CNOT3: variants seen among roughly 807,000 people sequenced by gnomAD.
CNOT3 encodes CCR4-associated factor 3.
In CNOT3, 2 loss-of-function variants were observed where a neutral mutation model predicts 89.4. The ratio of observed to expected loss-of-function variants is 0.02; its 90% CI spans 0.01 to 0.07. The LOEUF (loss-of-function observed/expected upper bound fraction) is 0.07. Ranked by LOEUF, CNOT3 falls within the 10% of genes least tolerant of loss-of-function variation. The probability of loss-of-function intolerance (pLI) is 1.00; values close to 1 mark genes in which losing one functional copy is unlikely to be tolerated. For missense variants in CNOT3, 664 were observed against 1,010.2 expected (o/e 0.66, Z 4.65); for synonymous variants, 486 against 402.0 (o/e 1.21, Z -2.50).
rs201504444 is a variant in CNOT3, at chr19:54,153,027, G to A, written c.2037+28G>A. On this transcript the variant is annotated intron_variant, in intron 16 of 17. Transcript: ENST00000221232. ...ACAGCAGGGCCCCCGGGGCAGCCTCGGGCCCCCCGGCTTCGCCGCCACCGC... is the reference window on the plus strand; with the variant it reads ...ACAGCAGGGCCCCCGGGGCAGCCTCAGGCCCCCCGGCTTCGCCGCCACCGC... 9.6e-5 allele frequency: 152 copies of A among 1,590,572 alleles called. 1 individual carries two copies. The highest frequency in any genetic ancestry group is 9.1e-4 in the South Asian group (81 of 89,136).
At chr19:54,139,600 GGTGTCCACGCCTCTGCAT>G (rs1414407381) in intron 1 of CNOT3, among the ~76,000 whole-genome samples, 3 of 152,100 alleles carry the variant, frequency 2.0e-5, no homozygotes, top group African/African-American at 7.2e-5. Context: ...CTGGATTTGA[GGTGTCCACGCCTCTGCAT>G]GTGTCCCCAC....
In CNOT3 at chr19:54,148,714, C is replaced by T. The variant is rs769897893; in HGVS notation, c.1377C>T (p.Ser459=). The part of the protein sequence containing the change: ...NASSQALGPP[S]GPHNPPPSTS... Reference sequence around the variant, plus strand: ...GCAGCCAGGCCTTGGGCCCCCCTTCCGGCCCCCACAACCCACCTCCCAGCA... The same window carrying T: ...GCAGCCAGGCCTTGGGCCCCCCTTCTGGCCCCCACAACCCACCTCCCAGCA... The change falls in exon 12 of 18, where the codon TCC becomes TCT. Residue 459 remains serine (S), a synonymous_variant. Transcript: ENST00000221232. The surrounding 1 kb of genome is among the most constrained non-coding windows in gnomAD (Gnocchi z 6.3). The T allele has an allele frequency of 3.4e-5, 55 of 1,611,614 alleles. No individual in the cohort carries two copies. Among genetic ancestry groups the T allele is most frequent in the Non-Finnish European group, 4.6e-5 (54 of 1,179,310 alleles).
chr19:54,144,398 G>T lies in CNOT3; in HGVS notation c.483+66G>T, dbSNP rs587657829. The T allele has an allele frequency of 7.3e-4, 896 of 1,220,866 alleles. 5 individuals carry two copies. The highest frequency in any genetic ancestry group is 1.7e-3 in the South Asian group (140 of 81,138). 75.6% of individuals were successfully genotyped at this position (1,220,866 alleles called of 1,614,324 possible). On this transcript the variant is annotated intron_variant, in intron 7 of 17. Transcript: ENST00000221232. The surrounding 1 kb of genome is among the most constrained non-coding windows in gnomAD (Gnocchi z 4.8). ...CATGGGAATGGGCTGGCCAGCAGGA[G>T]GCCAGTCATTTATGCTCCTGGGAGT...
rs587637480 is a variant in CNOT3, at chr19:54,150,002, T to C, written c.1605+244T>C. ...AAGCTCTGTTTCTCTGGGTCTCTTT[T>C]CCTTTCTCTTGGTTGCACTTGTTGC... On this transcript the variant is annotated intron_variant, in intron 13 of 17. Transcript: ENST00000221232. 2.6e-5 allele frequency among the ~76,000 whole-genome samples: 4 copies of C among 152,282 alleles called. No individual in the cohort carries two copies. In the South Asian group the frequency reaches 8.3e-4, roughly 32 times the overall value.
At chr19:54,138,208 G>A (rs964326935) in intron 1 of CNOT3, among the ~76,000 whole-genome samples, 2 of 151,550 alleles carry the variant, frequency 1.3e-5, no homozygotes, top group Non-Finnish European at 2.9e-5. Flanking sequence ...CCTCTTTCAC[G>A]TTCCTCAGCG....
chr19:54,148,488 G>C lies in CNOT3; in HGVS notation c.1235G>C (p.Ser412Thr). The part of the protein sequence containing the change: ...GSGGGGSSSS[S>T]NSSAGGGAGK... ...GGAGGCGGAGGGAGCAGCAGCAGTA[G>C]TAACAGCAGTGCCGGTGGAGGGGCT... is the stretch of plus-strand genomic sequence containing the variant. The change falls in exon 11 of 18, where the codon AGT becomes ACT. Residue 412 changes from serine to threonine, a missense_variant. Ser to Thr is a moderately conservative substitution (Grantham distance 58, BLOSUM62 1). Transcript: ENST00000221232. This position sits in a 1 kb window ranked among gnomAD's most constrained non-coding sequence, Gnocchi z 6.3. The C allele has an allele frequency of 6.4e-7, 1 of 1,561,094 alleles. No individual in the cohort carries two copies. Among genetic ancestry groups the C allele is most frequent in the South Asian group, 1.2e-5 (1 of 83,082 alleles).
intron 13 of CNOT3, among the ~76,000 whole-genome samples, chr19:54,149,966 T>C (rs1011216173): frequency 2.6e-5 from 4 of 152,120 alleles, no homozygotes; most frequent in African/African-American, 7.2e-5. Flanking sequence ...CCTCCTCTCT[T>C]GTTCCCTCCA....
rs2074650684 is a variant in CNOT3, at chr19:54,145,951, A to G, written c.745A>G (p.Met249Val). Residue 249 changes from methionine (M) to valine (V), a missense_variant, in exon 9 of 18, where the codon ATG becomes GTG. Around this residue, in one of 8 missense-constraint regions of CNOT3, gnomAD observed 545 missense variants for 566.2 expected, o/e 0.96. Coordinates refer to ENST00000221232, the MANE Select transcript of CNOT3 (RefSeq NM_014516.4). This position sits in a 1 kb window ranked among gnomAD's most constrained non-coding sequence, Gnocchi z 5.9. ...VATSPPSHSH[M>V]EDEIFNQSSS... is the part of the protein sequence containing the mutation. ...CACCTCCCCCCCCAGCCACAGCCAC[A>G]TGGAGGATGAGATCTTCAACCAGTC... The G allele has an allele frequency of 1.2e-6, 2 of 1,613,744 alleles. No individual in the cohort carries two copies. Among genetic ancestry groups the G allele is most frequent in the Non-Finnish European group, 1.7e-6 (2 of 1,179,924 alleles).
At position 54,148,698 on chromosome 19, in the gene CNOT3, C is replaced by A. The variant is rs764961664; in HGVS notation, c.1361C>A (p.Ala454Asp). Reference protein sequence around the residue: ...SSGGNNASSQALGPPSGPHNP... With the variant: ...SSGGNNASSQDLGPPSGPHNP... The stretch of plus-strand genomic sequence containing the variant: ...GGGGGCAACAATGCCAGCAGCCAGG[C>A]CTTGGGCCCCCCTTCCGGCCCCCAC... The change falls in exon 12 of 18, where the codon GCC becomes GAC. Residue 454 changes from alanine to aspartate, a missense_variant. This residue lies in a region of CNOT3 where 545 missense variants were observed against 566.2 expected (regional missense o/e 0.96). Coordinates refer to ENST00000221232, the MANE Select transcript of CNOT3 (RefSeq NM_014516.4). This position sits in a 1 kb window ranked among gnomAD's most constrained non-coding sequence, Gnocchi z 6.3. The A allele has an allele frequency of 6.2e-6, 10 of 1,611,828 alleles. No homozygotes were observed. Among genetic ancestry groups the A allele is most frequent in the Non-Finnish European group, 7.6e-6 (9 of 1,179,266 alleles).
At position 54,145,241 on chromosome 19, in the gene CNOT3, T is replaced by C. The variant is rs1424582017; in HGVS notation, c.484-357T>C. Among the ~76,000 whole-genome samples, 5 of 152,080 alleles carry C rather than the reference T, an allele frequency of 3.3e-5. No individual in the cohort carries two copies. The highest frequency in any genetic ancestry group is 9.7e-5 in the African/African-American group (4 of 41,402). Reference sequence around the variant, plus strand: ...GAGGGTATCTGTATGCCAGAGGCAGTCACAGTGGTGGGCGGGCTCAGTTGA... The same window carrying C: ...GAGGGTATCTGTATGCCAGAGGCAGCCACAGTGGTGGGCGGGCTCAGTTGA... On this transcript the variant is annotated intron_variant, in intron 7 of 17. Transcript: ENST00000221232. This position sits in a 1 kb window ranked among gnomAD's most constrained non-coding sequence, Gnocchi z 5.9.
chr19:54,153,408 A>G, intron 16 of CNOT3: 1 of 769,558 alleles, frequency 1.3e-6, no homozygotes, highest in Non-Finnish European at 2.4e-6. Context: ...GTCATGAGTG[A>G]CCTCCACCCT....
At position 54,148,983 on chromosome 19, in the gene CNOT3, A is replaced by G. The variant is rs2074878134; in HGVS notation, c.1406+240A>G. 2.0e-5 allele frequency among the ~76,000 whole-genome samples: 3 copies of G among 152,126 alleles called. No individual in the cohort carries two copies. Among genetic ancestry groups the G allele is most frequent in the African/African-American group, 7.2e-5 (3 of 41,416 alleles). On this transcript the variant is annotated intron_variant, in intron 12 of 17. Coordinates refer to ENST00000221232, the MANE Select transcript of CNOT3 (RefSeq NM_014516.4). This position sits in a 1 kb window ranked among gnomAD's most constrained non-coding sequence, Gnocchi z 6.3. ...TAAAATACGTTCTCATCTAAGTGGA[A>G]GTTTTCTCAAGAGCCCCATACCCTT...
rs376620424 is a variant in CNOT3 at position 54,152,987 on chromosome 19, C to T, written c.2025C>T (p.Phe675=). The change falls in exon 16 of 18, where the codon TTC becomes TTT. Residue 675 remains phenylalanine, a synonymous_variant. Transcript: ENST00000221232. ...RLSTETLFFI[F]YYLEGTKAQY... The stretch of plus-strand genomic sequence containing the variant: ...CGACCGAGACACTCTTCTTCATCTT[C>T]TACTATCTGGAGGTACAGCAGGGCC... 6.2e-7 allele frequency: 1 copy of T among 1,607,540 alleles called. No homozygotes were observed. Among genetic ancestry groups the T allele is most frequent in the Non-Finnish European group, 8.5e-7 (1 of 1,174,930 alleles).
chr19:54,146,040 C>T lies in CNOT3; in HGVS notation c.834C>T (p.Thr278=). Residue 278 remains threonine (T), a synonymous_variant, in exon 9 of 18, where the codon ACC becomes ACT. Coordinates refer to ENST00000221232, the MANE Select transcript of CNOT3 (RefSeq NM_014516.4). ...SPIPPSPANC[T]TENSEDDKKR... ...TCCCGCCCAGCCCAGCCAACTGTAC[C>T]ACGGTGAGGCCCCACGGGACACTAG... The T allele has an allele frequency of 1.2e-6, 2 of 1,613,090 alleles. No homozygotes were observed. Among genetic ancestry groups the T allele is most frequent in the African/African-American group, 1.3e-5 (1 of 75,046 alleles).
At position 54,144,950 on chromosome 19, in the gene CNOT3, G is replaced by A. The variant is rs1480176656; in HGVS notation, c.483+618G>A. On this transcript the variant is annotated intron_variant, in intron 7 of 17. Transcript: ENST00000221232. The surrounding 1 kb of genome is among the most constrained non-coding windows in gnomAD (Gnocchi z 4.8). ...GGGTCAGGAAGTGGAAGATGACAGG[G>A]TTGGGTGTCAGACTCTGAGGGGTTT... is the stretch of plus-strand genomic sequence containing the variant. 2.6e-5 allele frequency among the ~76,000 whole-genome samples: 4 copies of A among 152,164 alleles called. No homozygotes were observed. Among genetic ancestry groups the A allele is most frequent in the African/African-American group, 9.7e-5 (4 of 41,408 alleles).
At chr19:54,151,618 G>A (rs34560530) in intron 13 of CNOT3, among the ~76,000 whole-genome samples, 46,011 of 152,066 alleles carry the variant, frequency 0.3, 7,538 homozygotes, top group Non-Finnish European at 0.37. Flanking sequence ...TGGAGGAGAT[G>A]GGAGGAACCA....
intron 13 of CNOT3, among the ~76,000 whole-genome samples, chr19:54,151,444 C>T (rs1390314546): frequency 5.3e-5 from 8 of 152,148 alleles, no homozygotes; most frequent in African/African-American, 1.9e-4. Flanking sequence ...TGGCTCACAC[C>T]TGTAATCCCA....
At chr19:54,140,727 T>C (rs907912311) in intron 1 of CNOT3, among the ~76,000 whole-genome samples, 2 of 152,132 alleles carry the variant, frequency 1.3e-5, no homozygotes, top group Non-Finnish European at 2.9e-5. Flanking sequence ...GATGTCACAC[T>C]GTTCTGTCTG....
chr19:54,155,586 G>T lies in CNOT3; in HGVS notation c.*179G>T. ...AGCCCCACCCTGGGGGCCCGGGGGC[G>T]AGGGCTGCCCCCTCCTCCCCTCCCC... On this transcript the variant is annotated 3_prime_UTR_variant, in exon 18 of 18. Transcript: ENST00000221232. 9.5e-7 allele frequency: 1 copy of T among 1,047,124 alleles called. No individual in the cohort carries two copies. Among genetic ancestry groups the T allele is most frequent in the Non-Finnish European group, 1.4e-6 (1 of 730,136 alleles). 64.9% of individuals were successfully genotyped at this position (1,047,124 alleles called of 1,614,324 possible). A position where few individuals can be genotyped will look rare whatever the true frequency, so the allele number is the denominator to read the frequency against.
Sources: allele counts gnomAD v4.1 joint callset (sites outside exome capture counted in the v4.1 genomes callset), GRCh38; gene constraint gnomAD v4.1.1; regional missense constraint gnomAD v4.1.1; non-coding constraint Gnocchi (gnomAD v3.1); transcripts MANE v1.5; gene names NCBI Gene and HGNC (gene_info 2026-07-23, HGNC 2026-07-21).